NKAIN3: variants seen among roughly 807,000 people sequenced by gnomAD.
NKAIN3 encodes sodium/potassium transporting ATPase interacting 3, also known as sodium/potassium-transporting ATPase subunit beta-1-interacting protein 3.
In NKAIN3, 25 loss-of-function variants were observed where a neutral mutation model predicts 30.2. The observed-to-expected ratio is 0.83, with a 90% CI of 0.60 to 1.16. The LOEUF (loss-of-function observed/expected upper bound fraction) is 1.16, where lower values mean the gene tolerates loss of function less well. Ranked by LOEUF, NKAIN3 falls within the 50% of genes most tolerant of loss-of-function variation. NKAIN3 has a pLI of 0.00. For missense variants in NKAIN3, 225 were observed against 254.1 expected, an observed-to-expected ratio of 0.89 and a Z score of 0.78; for synonymous variants, 91 against 89.6, an observed-to-expected ratio of 1.02 and a Z score of -0.09.
chr8:62,488,759 G>A (rs1288920720), intron 1 of NKAIN3, among the ~76,000 whole-genome samples: 1 of 152,062 alleles, frequency 6.6e-6, no homozygotes, highest in Non-Finnish European at 1.5e-5. Flanking sequence ...ATTTTATTGT[G>A]AGCAAAACAA....
intron 3 of NKAIN3, among the ~76,000 whole-genome samples, chr8:62,728,460 C>G (rs915324822): frequency 6.6e-6 from 1 of 151,822 alleles, no homozygotes; most frequent in Non-Finnish European, 1.5e-5. Context: ...GTCGGGAGTT[C>G]GAGACCAGCC....
intron 1 of NKAIN3, among the ~76,000 whole-genome samples, chr8:62,522,312 A>G (rs186170829): frequency 6.6e-6 from 1 of 152,184 alleles, no homozygotes; most frequent in African/African-American, 2.4e-5. Flanking sequence ...TGATGCTGGC[A>G]TAAACAAACC....
At chr8:62,788,844 T>C (rs1817610823) in intron 4 of NKAIN3, among the ~76,000 whole-genome samples, 1 of 152,130 alleles carries the variant, frequency 6.6e-6, no homozygotes, top group African/African-American at 2.4e-5. Context: ...CAGATAGTTG[T>C]AGATATGCGG....
intron 1 of NKAIN3, among the ~76,000 whole-genome samples, chr8:62,524,611 A>G (rs911669273): frequency 2.6e-5 from 4 of 152,146 alleles, no homozygotes; most frequent in African/African-American, 4.8e-5. Context: ...ACTGACATCA[A>G]TTAACCCTCA....
chr8:62,938,478 A>C (rs1353671105), intron 5 of NKAIN3, among the ~76,000 whole-genome samples: 2 of 152,100 alleles, frequency 1.3e-5, no homozygotes, highest in African/African-American at 4.8e-5. Context: ...CCATAACCAA[A>C]GTCTCACACA....
At chr8:62,757,763 T>A (rs1280412113) in intron 4 of NKAIN3, among the ~76,000 whole-genome samples, 1 of 152,218 alleles carries the variant, frequency 6.6e-6, no homozygotes, top group African/African-American at 2.4e-5. Flanking sequence ...CAGTGCCCTT[T>A]GGCTTGAGCA....
intron 1 of NKAIN3, among the ~76,000 whole-genome samples, chr8:62,568,786 C>CCA (rs1809833670): frequency 6.6e-6 from 1 of 152,168 alleles, no homozygotes; most frequent in African/African-American, 2.4e-5. Flanking sequence ...TAGGAAATCC[C>CCA]CATTTCACTT....
intron 3 of NKAIN3, among the ~76,000 whole-genome samples, chr8:62,624,583 G>C (rs1434550343): frequency 6.6e-6 from 1 of 150,996 alleles, no homozygotes; most frequent in Non-Finnish European, 1.5e-5. Context: ...GGTTTTGTTT[G>C]TTTGTTTGAC....
At chr8:62,619,214 C>G (rs181305919) in intron 3 of NKAIN3, among the ~76,000 whole-genome samples, 1 of 152,254 alleles carries the variant, frequency 6.6e-6, no homozygotes, top group African/African-American at 2.4e-5. Flanking sequence ...CTTGACAATC[C>G]CATACTGGGT....
chr8:62,760,363 CT>C (rs1816612697), intron 4 of NKAIN3, among the ~76,000 whole-genome samples: 1 of 152,124 alleles, frequency 6.6e-6, no homozygotes, highest in African/African-American at 2.4e-5. Context: ...ATAGCAAAGA[CT>C]TGGAACCAAC....
At chr8:62,840,051 A>G (rs1819485228) in intron 4 of NKAIN3, among the ~76,000 whole-genome samples, 1 of 152,160 alleles carries the variant, frequency 6.6e-6, no homozygotes, top group Non-Finnish European at 1.5e-5. Context: ...ATCCACATAC[A>G]TCCCCTCCAA....
chr8:62,605,583 A>T (rs1392103016), intron 3 of NKAIN3, among the ~76,000 whole-genome samples: 1 of 152,052 alleles, frequency 6.6e-6, no homozygotes, highest in Non-Finnish European at 1.5e-5. Flanking sequence ...CCAACTGCAG[A>T]TCAAAACTAT....
At chr8:62,716,584 A>G (rs550369359) in intron 3 of NKAIN3, among the ~76,000 whole-genome samples, 1 of 152,284 alleles carries the variant, frequency 6.6e-6, no homozygotes, top group Non-Finnish European at 1.5e-5. Flanking sequence ...ATGTTTCCTA[A>G]TGGGCCATTA....
At chr8:62,323,862 AC>A (rs1815023280) in intron 1 of NKAIN3, among the ~76,000 whole-genome samples, 1 of 152,260 alleles carries the variant, frequency 6.6e-6, no homozygotes, top group Non-Finnish European at 1.5e-5. Context: ...TGAAAAGGCT[AC>A]AAACTGAATA....
intron 4 of NKAIN3, among the ~76,000 whole-genome samples, chr8:62,838,090 G>A (rs974005145): frequency 1.4e-5 from 2 of 143,322 alleles, no homozygotes; most frequent in Non-Finnish European, 3.0e-5. Context: ...GTGTGCAAAG[G>A]TGTGTGTGTG....
At chr8:62,395,410 G>A (rs1282077759) in intron 1 of NKAIN3, among the ~76,000 whole-genome samples, 1 of 152,152 alleles carries the variant, frequency 6.6e-6, no homozygotes, top group Non-Finnish European at 1.5e-5. Context: ...TTCCCAGGCG[G>A]TGCGGGAACC....
At chr8:62,891,401 C>T in intron 4 of NKAIN3, among the ~76,000 whole-genome samples, 1 of 152,220 alleles carries the variant, frequency 6.6e-6, no homozygotes, top group East Asian at 1.9e-4. Context: ...CTAAAGGCTG[C>T]ACTATCAGCT....
Position 62,525,585 on chromosome 8 carries a change from C to T in NKAIN3, c.55-53954C>T, listed in dbSNP as rs576219202. 7.8e-4 allele frequency among the ~76,000 whole-genome samples: 119 copies of T among 152,126 alleles called. 1 individual carries two copies. Among genetic ancestry groups the T allele is most frequent in the Non-Finnish European group, 1.6e-3 (108 of 68,014 alleles). On this transcript the variant is annotated intron_variant, in intron 1 of 6. Transcript: ENST00000623646. The stretch of plus-strand genomic sequence containing the variant: ...TGCAAAAGAATATAAATCATTCTAT[C>T]ATAAAGGCACATGCAGGTGTCTACT...
intron 1 of NKAIN3, among the ~76,000 whole-genome samples, chr8:62,257,888 A>G (rs1197157041): frequency 1.3e-5 from 2 of 152,088 alleles, no homozygotes; most frequent in Non-Finnish European, 2.9e-5. Flanking sequence ...CATTCCGGTT[A>G]CTTACATATA....
Sources: allele counts gnomAD v4.1 joint callset (sites outside exome capture counted in the v4.1 genomes callset), GRCh38; gene constraint gnomAD v4.1.1; transcripts MANE v1.5; gene names NCBI Gene and HGNC (gene_info 2026-07-23, HGNC 2026-07-21).